Variants in ARID1B observed in about 807,000 individuals in gnomAD.
ARID1B encodes AT-rich interactive domain-containing protein 1B.
A neutral mutation model predicts 212.3 loss-of-function variants in ARID1B; 30 were observed. That is an observed-to-expected ratio of 0.14 (90% confidence interval 0.11 to 0.19). The LOEUF is 0.19. Ranked by LOEUF, ARID1B falls within the 10% of genes least tolerant of loss-of-function variation. ARID1B has a pLI of 1.00. For missense variants in ARID1B, 2,891 were observed against 3,204.0 expected (o/e 0.90, Z 2.36); for synonymous variants, 1,402 against 1,301.7 (o/e 1.08, Z -1.66).
intron 3 of ARID1B, among the ~76,000 whole-genome samples, chr6:156,934,932 A>AGTT (rs112476146): frequency 1.1e-5 from 1 of 93,474 alleles, no homozygotes; most frequent in East Asian, 2.9e-4. Flanking sequence ...ATATATATAT[A>AGTT]TATATATATA....
intron 4 of ARID1B, among the ~76,000 whole-genome samples, chr6:157,028,791 A>C (rs903589810): frequency 2.6e-5 from 4 of 152,204 alleles, no homozygotes; most frequent in Non-Finnish European, 4.4e-5. Flanking sequence ...GAGTGCCGCT[A>C]TTCTTCTGTA....
chr6:157,039,775 A>ACCTTCCTTCCTT (rs1374936601), intron 4 of ARID1B, among the ~76,000 whole-genome samples: 3 of 77,248 alleles, frequency 3.9e-5, no homozygotes, highest in Non-Finnish European at 5.0e-5. Context: ...CTACCTACCT[A>ACCTTCCTTCCTT]CCTTCCTTCC....
At chr6:157,133,590 C>A (rs1788701461) in intron 7 of ARID1B, among the ~76,000 whole-genome samples, 1 of 152,224 alleles carries the variant, frequency 6.6e-6, no homozygotes, top group Admixed American at 6.5e-5. Flanking sequence ...GCCCATCCCT[C>A]TTAGTGATCA....
chr6:157,152,360 C>T (rs1402988527), intron 8 of ARID1B: 1 of 152,164 alleles, frequency 6.6e-6, no homozygotes, highest in Non-Finnish European at 1.5e-5. Context: ...CAGCAGCATC[C>T]AGATAGCTTC....
At chr6:157,041,838 C>T (rs927298706) in intron 4 of ARID1B, among the ~76,000 whole-genome samples, 3 of 152,162 alleles carry the variant, frequency 2.0e-5, no homozygotes, top group African/African-American at 4.8e-5. Context: ...TCTTCTTAGC[C>T]ACCATCACCA....
chr6:156,877,637 C>T (rs972608995), intron 2 of ARID1B, among the ~76,000 whole-genome samples: 5 of 152,078 alleles, frequency 3.3e-5, no homozygotes, highest in African/African-American at 1.2e-4. Flanking sequence ...AGAAGGAACA[C>T]ATTGGAGCTG....
At chr6:157,175,102 T>C in intron 11 of ARID1B, 97 bp downstream of exon 11, 1 of 1,061,526 alleles carries the variant, frequency 9.4e-7, no homozygotes, top group Non-Finnish European at 1.2e-6. Flanking sequence ...GCTTGTTTAT[T>C]TGTTTTGTAA....
In ARID1B at chr6:157,148,551, C is replaced by T; in HGVS notation, c.2762-73C>T. On this transcript the variant is annotated intron_variant, in intron 7 of 19. Transcript: ENST00000636930. This position sits in a 1 kb window ranked among gnomAD's most constrained non-coding sequence, Gnocchi z 5.6. ...ACTCCGTGCTGATCGCATTGTTGGA[C>T]AAAAAGTATTTCCAGTGAATGTTGT... 2.7e-6 allele frequency: 4 copies of T among 1,499,492 alleles called. 1 individual carries two copies. The highest frequency in any genetic ancestry group is 2.5e-5 in the South Asian group (2 of 79,736). The allele number at this position is 1,499,492 out of a possible 1,614,324, so 92.9% of individuals were successfully genotyped here. A position where few individuals can be genotyped will look rare whatever the true frequency, so the allele number is the denominator to read the frequency against.
At chr6:156,807,311 A>AT (rs1781241990) in intron 1 of ARID1B, among the ~76,000 whole-genome samples, 1 of 152,122 alleles carries the variant, frequency 6.6e-6, no homozygotes, top group South Asian at 2.1e-4. Context: ...AGAAGCTTGC[A>AT]TGTCAGAAAC....
At chr6:156,949,521 G>A (rs1485160396) in intron 4 of ARID1B, among the ~76,000 whole-genome samples, 11 of 152,120 alleles carry the variant, frequency 7.2e-5, no homozygotes, top group African/African-American at 2.4e-4. Flanking sequence ...CAGGGCTGCC[G>A]GTGCACCACA....
chr6:156,876,310 C>G (rs560632624), intron 2 of ARID1B, among the ~76,000 whole-genome samples: 6 of 152,168 alleles, frequency 3.9e-5, no homozygotes, highest in Non-Finnish European at 8.8e-5. Flanking sequence ...TTTCCTCAGC[C>G]TCACCCATCC....
chr6:157,021,342 C>T (rs1238743294), intron 4 of ARID1B, among the ~76,000 whole-genome samples: 5 of 152,246 alleles, frequency 3.3e-5, no homozygotes, highest in Non-Finnish European at 1.5e-5. Flanking sequence ...ACCCCGGAAT[C>T]CCCCGGGAGT....
chr6:157,187,578 CT>C (rs2128334539), intron 13 of ARID1B, among the ~76,000 whole-genome samples: 1 of 152,298 alleles, frequency 6.6e-6, no homozygotes, highest in East Asian at 1.9e-4. Flanking sequence ...AGCTAGGAGC[CT>C]GGCCATGCTG....
intron 2 of ARID1B, among the ~76,000 whole-genome samples, chr6:156,872,116 G>A (rs9397978): frequency 0.33 from 50,658 of 152,040 alleles, 8,523 homozygotes; most frequent in East Asian, 0.38. Context: ...AGCAACAGCC[G>A]CTTCTCAAGG....
intron 4 of ARID1B, among the ~76,000 whole-genome samples, chr6:157,047,988 A>C (rs1006774322): frequency 2.0e-5 from 3 of 152,222 alleles, no homozygotes; most frequent in Admixed American, 6.5e-5. Flanking sequence ...AAGCAAAGAA[A>C]ATATCCTAGG....
At chr6:156,871,382 G>T (rs972308960) in intron 2 of ARID1B, among the ~76,000 whole-genome samples, 1 of 152,184 alleles carries the variant, frequency 6.6e-6, no homozygotes, top group Admixed American at 6.5e-5. Context: ...TTATGCTATG[G>T]GCAGTCTGAA....
intron 2 of ARID1B, among the ~76,000 whole-genome samples, chr6:156,862,664 G>A (rs1035819736): frequency 1.3e-5 from 2 of 152,168 alleles, no homozygotes; most frequent in Admixed American, 6.5e-5. Flanking sequence ...AAAGCGGAGT[G>A]GTGTAAGGAG....
chr6:157,097,883 A>G (rs1583301777), intron 5 of ARID1B, among the ~76,000 whole-genome samples: 1 of 152,194 alleles, frequency 6.6e-6, no homozygotes, highest in African/African-American at 2.4e-5. Context: ...TTATTAGCAG[A>G]ATAAAAGCAG....
chr6:157,084,170 A>G (rs1260877085), intron 4 of ARID1B, among the ~76,000 whole-genome samples: 3 of 143,480 alleles, frequency 2.1e-5, no homozygotes, highest in Admixed American at 6.8e-5. Context: ...TCTCATCACA[A>G]AGTTTGGTCA....
Sources: gnomAD v4.1 joint callset for allele counts (sites outside exome capture counted in the v4.1 genomes callset) on GRCh38, gnomAD v4.1.1 for gene constraint, Gnocchi (gnomAD v3.1) non-coding constraint, MANE v1.5 for transcripts, NCBI Gene and HGNC (gene_info 2026-07-23, HGNC 2026-07-21) for gene names.